Variants in LRP1B observed in about 807,000 individuals in gnomAD.
The protein encoded by LRP1B is LDL receptor related protein 1B.
In LRP1B, 217 loss-of-function variants were observed where a neutral mutation model predicts 556.6. The ratio of observed to expected loss-of-function variants is 0.39; its 90% confidence interval spans 0.35 to 0.44. The LOEUF (loss-of-function observed/expected upper bound fraction) is 0.44. Among genes scored for constraint, LRP1B ranks in the 20% least tolerant of loss-of-function variants. The pLI is 1.00. For synonymous variants in LRP1B, 2,047 were observed against 1,865.8 expected, an observed-to-expected ratio of 1.10 and a Z score of -2.50; for missense variants, 5,053 against 5,620.8, an observed-to-expected ratio of 0.90 and a Z score of 3.23.
At chr2:141,485,051 A>T (rs1417491017) in intron 2 of LRP1B, among the ~76,000 whole-genome samples, 1 of 152,146 alleles carries the variant, frequency 6.6e-6, no homozygotes, top group Non-Finnish European at 1.5e-5. Context: ...AAATTTTGAG[A>T]AAACAGAAAA....
chr2:141,423,561 G>A (rs1352691060), intron 3 of LRP1B, among the ~76,000 whole-genome samples: 3 of 151,950 alleles, frequency 2.0e-5, no homozygotes, highest in Non-Finnish European at 4.4e-5. Context: ...CACCTTAGCT[G>A]CCATAGATGA....
At chr2:141,710,025 C>T (rs1485124710) in intron 2 of LRP1B, among the ~76,000 whole-genome samples, 2 of 151,906 alleles carry the variant, frequency 1.3e-5, no homozygotes, top group Non-Finnish European at 2.9e-5. Context: ...GTATTAATCC[C>T]ATTATAAGGG....
intron 31 of LRP1B, among the ~76,000 whole-genome samples, chr2:140,824,395 C>A (rs1487497800): frequency 6.6e-6 from 1 of 151,856 alleles, no homozygotes; most frequent in East Asian, 1.9e-4. Flanking sequence ...CATCTTTATT[C>A]CCTGTGCTAA....
chr2:140,233,467 G>T, intron 90 of LRP1B, 141 bp from the exon 91 acceptor site: 1 of 517,066 alleles, frequency 1.9e-6, no homozygotes. Context: ...TGATTTAAAG[G>T]TTATTTACAT....
intron 32 of LRP1B, among the ~76,000 whole-genome samples, chr2:140,781,716 T>A (rs977310362): frequency 1.3e-5 from 2 of 152,224 alleles, no homozygotes; most frequent in Admixed American, 1.3e-4. Context: ...TCCATACATA[T>A]GTCTTCACAT....
chr2:140,532,409 G>A (rs1424403710), intron 47 of LRP1B, among the ~76,000 whole-genome samples: 1 of 151,454 alleles, frequency 6.6e-6, no homozygotes, highest in African/African-American at 2.4e-5. Context: ...TTTTTTGGGG[G>A]GTGGGGGGTA....
chr2:141,428,715 A>G (rs1169255349), intron 3 of LRP1B, among the ~76,000 whole-genome samples: 1 of 152,224 alleles, frequency 6.6e-6, no homozygotes, highest in Non-Finnish European at 1.5e-5. Context: ...CTCTGCCAGA[A>G]GGCTATGGAT....
At chr2:141,003,711 A>T (rs927238598) in intron 15 of LRP1B, among the ~76,000 whole-genome samples, 2 of 151,992 alleles carry the variant, frequency 1.3e-5, no homozygotes, top group African/African-American at 4.8e-5. Flanking sequence ...GTAAATTGCC[A>T]GTCTTGGGTA....
intron 7 of LRP1B, among the ~76,000 whole-genome samples, chr2:141,116,580 T>C (rs1481538362): frequency 1.3e-5 from 2 of 152,160 alleles, no homozygotes; most frequent in Non-Finnish European, 2.9e-5. Context: ...CCCATGATAG[T>C]GCCCAAAAAC....
chr2:140,886,246 C>T lies in LRP1B; in HGVS notation c.3856G>A (p.Gly1286Arg), dbSNP rs1449905150. ...HKRDYSLLVP[G>R]LRNTIALDFH... ...TCAAGTGCTATTGTGTTTCTCAATC[C>T]AGGAACAAGTAGACTATAGTCTCTT... is the stretch of plus-strand genomic sequence containing the variant. Residue 1286 changes from glycine (G) to arginine (R), a missense_variant, in exon 24 of 91, where the codon GGA becomes AGA. Physicochemically the swap from Gly to Arg is moderately radical, Grantham distance 125. Around this residue, in one of 5 missense-constraint regions of LRP1B, gnomAD observed 3,619 missense variants for 3,931.9 expected, o/e 0.92. Coordinates refer to ENST00000389484, the MANE Select transcript of LRP1B (RefSeq NM_018557.3). 3.1e-6 allele frequency: 5 copies of T among 1,609,048 alleles called. No individual in the cohort carries two copies. Among genetic ancestry groups the T allele is most frequent in the Non-Finnish European group, 4.3e-6 (5 of 1,176,308 alleles).
chr2:141,124,795 T>C (rs761190209), intron 7 of LRP1B, among the ~76,000 whole-genome samples: 1 of 152,138 alleles, frequency 6.6e-6, no homozygotes, highest in African/African-American at 2.4e-5. Flanking sequence ...GTTAAATTAA[T>C]AGATAGGGAA....
At chr2:141,769,167 A>T (rs1694821411) in intron 2 of LRP1B, among the ~76,000 whole-genome samples, 1 of 152,170 alleles carries the variant, frequency 6.6e-6, no homozygotes, top group Non-Finnish European at 1.5e-5. Flanking sequence ...CTGCTGGGTA[A>T]TGCAAGTCTC....
At chr2:141,479,340 C>T (rs776205025) in intron 3 of LRP1B, among the ~76,000 whole-genome samples, 2 of 152,266 alleles carry the variant, frequency 1.3e-5, no homozygotes, top group Middle Eastern at 3.4e-3. Context: ...TAAAAAATAG[C>T]ATCTGACTTT....
At chr2:141,083,884 T>G (rs1015042472) in intron 7 of LRP1B, among the ~76,000 whole-genome samples, 1 of 152,224 alleles carries the variant, frequency 6.6e-6, no homozygotes, top group Non-Finnish European at 1.5e-5. Context: ...AAGAAATACA[T>G]TTTGTTTCTT....
At chr2:140,584,734 G>A (rs1271940319) in intron 43 of LRP1B, among the ~76,000 whole-genome samples, 1 of 152,096 alleles carries the variant, frequency 6.6e-6, no homozygotes, top group African/African-American at 2.4e-5. Context: ...TCACTGAAAT[G>A]TATGTGGACT....
chr2:140,523,090 C>T (rs1302839742), intron 49 of LRP1B, among the ~76,000 whole-genome samples: 1 of 151,638 alleles, frequency 6.6e-6, no homozygotes, highest in Non-Finnish European at 1.5e-5. Context: ...CAACAACCAC[C>T]ACAGCAAAAC....
chr2:140,592,799 G>A (rs1682280552), intron 43 of LRP1B, among the ~76,000 whole-genome samples: 1 of 152,082 alleles, frequency 6.6e-6, no homozygotes, highest in East Asian at 1.9e-4. Context: ...AATTAGCCAA[G>A]TATGGTGGTT....
intron 2 of LRP1B, among the ~76,000 whole-genome samples, chr2:141,569,511 T>C (rs1686454414): frequency 6.6e-6 from 1 of 151,138 alleles, no homozygotes; most frequent in Admixed American, 6.6e-5. Context: ...ATATAGATAA[T>C]GATTTTTCAA....
intron 7 of LRP1B, among the ~76,000 whole-genome samples, chr2:141,148,305 A>C (rs1470297905): frequency 6.6e-6 from 1 of 152,164 alleles, no homozygotes; most frequent in Non-Finnish European, 1.5e-5. Flanking sequence ...TAAACTTGTC[A>C]CCTTTAATAA....
Sources: gnomAD v4.1 joint callset for allele counts (sites outside exome capture counted in the v4.1 genomes callset) on GRCh38, gnomAD v4.1.1 for gene constraint, gnomAD v4.1.1 regional missense constraint, MANE v1.5 for transcripts, NCBI Gene and HGNC (gene_info 2026-07-23, HGNC 2026-07-21) for gene names.